Variants in DIDO1 observed in about 807,000 individuals in gnomAD.
DIDO1 encodes death inducer-obliterator 1, also known as death-inducer obliterator 1.
A neutral mutation model predicts 99.4 loss-of-function variants in DIDO1; 16 were observed. The observed-to-expected ratio is 0.16, with a 90% CI of 0.11 to 0.24. DIDO1 has a LOEUF of 0.24. DIDO1 is among the 10% of genes least tolerant of loss of function. The pLI, the probability that DIDO1 is intolerant of heterozygous loss-of-function variation, is 1.00. For missense variants in DIDO1, 2,996 were observed against 3,014.0 expected (o/e 0.99, Z 0.14); for synonymous variants, 1,366 against 1,239.1 (o/e 1.10, Z -2.15).
At chr20:62,935,334 A>C (rs553439237) in intron 1 of DIDO1, among the ~76,000 whole-genome samples, 1 of 152,014 alleles carries the variant, frequency 6.6e-6, no homozygotes, top group East Asian at 1.9e-4. Context: ...CTCAACAAAT[A>C]AATATTTATG....
chr20:62,915,210 C>T (rs1383469697), intron 1 of DIDO1, among the ~76,000 whole-genome samples: 2 of 152,162 alleles, frequency 1.3e-5, no homozygotes, highest in Non-Finnish European at 1.5e-5. Flanking sequence ...CATAGTGTTT[C>T]GCATCTGTGA....
Position 62,905,880 on chromosome 20 carries a change from T to C in DIDO1, c.1588+7A>G. 6.2e-7 allele frequency: 1 copy of C among 1,614,122 alleles called. No individual in the cohort carries two copies. Among genetic ancestry groups the C allele is most frequent in the Non-Finnish European group, 8.5e-7 (1 of 1,180,018 alleles). Reference sequence around the variant, plus strand: ...GTCCAGGAGGCCAACCCCTAGGTGATACATACATTTATACAACAGTGACGG... The same window carrying C: ...GTCCAGGAGGCCAACCCCTAGGTGACACATACATTTATACAACAGTGACGG... On this transcript the variant is annotated splice_region_variant and intron_variant, in intron 6 of 15. Coordinates refer to ENST00000395343, the MANE Select transcript of DIDO1 (RefSeq NM_001193369.2).
intron 2 of DIDO1, among the ~76,000 whole-genome samples, chr20:62,913,405 C>G (rs1261602819): frequency 6.6e-6 from 1 of 152,172 alleles, no homozygotes; most frequent in African/African-American, 2.4e-5. Context: ...AGCCAGGTGA[C>G]CCCAGGCAAG....
Position 62,879,364 on chromosome 20 carries a change from C to T in DIDO1, c.6592G>A (p.Asp2198Asn). ...DRDRSRSRER[D>N]RDKARDRERG... ...TCCCTGTCCCTGGCCTTGTCTCGGT[C>T]CCGCTCTCTGCTCCGGGACCGGTCC... Residue 2198 changes from aspartate (D) to asparagine (N), a missense_variant, in exon 16 of 16, where the codon GAC becomes AAC. Coordinates refer to ENST00000395343, the MANE Select transcript of DIDO1 (RefSeq NM_001193369.2). The surrounding 1 kb of genome is among the most constrained non-coding windows in gnomAD (Gnocchi z 6.3). The T allele has an allele frequency of 6.5e-7, 1 of 1,548,724 alleles. No individual in the cohort carries two copies. Among genetic ancestry groups the T allele is most frequent in the East Asian group, 2.4e-5 (1 of 41,028 alleles).
intron 1 of DIDO1, among the ~76,000 whole-genome samples, chr20:62,935,673 G>A (rs190451186): frequency 6.6e-6 from 1 of 152,344 alleles, no homozygotes; most frequent in Admixed American, 6.5e-5. Flanking sequence ...CTGGAGCAGA[G>A]AGTAAGATCA....
rs1251431809 is a variant in DIDO1 at position 62,890,732 on chromosome 20, CT to C, written c.3541+227del. The C allele has an allele frequency of 2.2e-6, 3 of 1,392,290 alleles. No homozygotes were observed. In the Admixed American group the frequency reaches 8.9e-5, roughly 41 times the overall value. 86.2% of individuals were successfully genotyped at this position (1,392,290 alleles called of 1,614,324 possible). ...CTGGTTGCAGGCTGTGGGTTTTTCC[CT>C]CTCTAAAAAACTCTCCTAAGACAAT... On this transcript the variant is annotated intron_variant, in intron 15 of 15. Transcript: ENST00000395343.
At chr20:62,916,121 G>T (rs2065033048) in intron 1 of DIDO1, among the ~76,000 whole-genome samples, 1 of 152,122 alleles carries the variant, frequency 6.6e-6, no homozygotes, top group South Asian at 2.1e-4. Flanking sequence ...AACTTTTTGT[G>T]TGTATAATTA....
chr20:62,905,237 C>A, intron 6 of DIDO1: 1 of 1,304,216 alleles, frequency 7.7e-7, no homozygotes, highest in Non-Finnish European at 9.8e-7. Flanking sequence ...GGACAGTGTT[C>A]TAGGTGTGAA....
At chr20:62,889,197 G>C (rs1413442304) in intron 15 of DIDO1, 17 of 985,476 alleles carry the variant, frequency 1.7e-5, no homozygotes, top group Non-Finnish European at 1.8e-5. Flanking sequence ...CCATCCGGGA[G>C]GTGCTGGGAG....
chr20:62,937,642 C>T (rs1054322497), intron 1 of DIDO1, among the ~76,000 whole-genome samples: 6 of 152,224 alleles, frequency 3.9e-5, no homozygotes, highest in African/African-American at 1.4e-4. Flanking sequence ...TCGGGTCAGC[C>T]GTCTCTCCCT....
upstream of DIDO1, chr20:62,928,981 C>A (rs966078114): frequency 6.6e-6 from 1 of 152,124 alleles, no homozygotes; most frequent in African/African-American, 2.4e-5. Context: ...AAAAAAATGG[C>A]TTTCCGCTGT....
chr20:62,916,874 C>T (rs917738197), intron 1 of DIDO1, among the ~76,000 whole-genome samples: 1 of 152,132 alleles, frequency 6.6e-6, no homozygotes, highest in African/African-American at 2.4e-5. Flanking sequence ...TGTCAAGGAA[C>T]TTCTCCCTTT....
At chr20:62,903,928 C>G (rs915370237) in intron 6 of DIDO1, among the ~76,000 whole-genome samples, 1 of 152,286 alleles carries the variant, frequency 6.6e-6, no homozygotes, top group South Asian at 2.1e-4. Flanking sequence ...GACCTCTCCC[C>G]GCTCACAGTG....
At chr20:62,932,196 A>G (rs930694514) in intron 1 of DIDO1, among the ~76,000 whole-genome samples, 9 of 152,246 alleles carry the variant, frequency 5.9e-5, no homozygotes, top group South Asian at 2.1e-4. Flanking sequence ...GAAAGTATTT[A>G]AAGAGTAAAT....
chr20:62,922,182 A>G (rs115161660), intron 1 of DIDO1, among the ~76,000 whole-genome samples: 2,762 of 146,384 alleles, frequency 0.019, 78 homozygotes, highest in African/African-American at 0.064. Flanking sequence ...TTTTATATGT[A>G]TGTGTGTGTG....
chr20:62,905,351 T>TC, intron 6 of DIDO1: 1 of 1,427,180 alleles, frequency 7.0e-7, no homozygotes, highest in Non-Finnish European at 9.1e-7. Flanking sequence ...AAAAAAAAAA[T>TC]CCCCTATCTG....
intron 15 of DIDO1, among the ~76,000 whole-genome samples, chr20:62,883,819 C>A: frequency 9.8e-6 from 1 of 101,546 alleles, no homozygotes; most frequent in African/African-American, 2.9e-5. Flanking sequence ...GAGTGAGACT[C>A]TGTCTCAAAA....
At chr20:62,882,477 G>A (rs1219545327) in intron 15 of DIDO1, 63 bp from the exon 16 acceptor site, 2 of 1,478,368 alleles carry the variant, frequency 1.4e-6, no homozygotes, top group South Asian at 2.6e-5. Context: ...CTTTAGAGGT[G>A]AATTTCATTA....
chr20:62,926,929 G>A (rs961040247), upstream of DIDO1, among the ~76,000 whole-genome samples: 3 of 152,182 alleles, frequency 2.0e-5, no homozygotes, highest in African/African-American at 7.2e-5. Context: ...GGGGATAAAA[G>A]AAGAAAAGGC....
Sources: gnomAD v4.1 joint callset for allele counts (sites outside exome capture counted in the v4.1 genomes callset) on GRCh38, gnomAD v4.1.1 for gene constraint, Gnocchi (gnomAD v3.1) non-coding constraint, MANE v1.5 for transcripts, NCBI Gene and HGNC (gene_info 2026-07-23, HGNC 2026-07-21) for gene names.